The following AMMECR1 variants were observed in gnomAD, a reference collection of about 807,000 sequenced individuals.
The protein encoded by AMMECR1 is nuclear protein AMMECR1.
AMMECR1 carries 3 observed loss-of-function variants against 22.5 expected under a neutral mutation model. The ratio of observed to expected loss-of-function variants is 0.13; its 90% CI spans 0.06 to 0.35. The LOEUF is 0.35. Ranked by LOEUF, AMMECR1 falls within the 10% of genes least tolerant of loss-of-function variation. The probability of loss-of-function intolerance (pLI) is 1.00; values close to 1 mark genes in which losing one functional copy is unlikely to be tolerated. For synonymous variants in AMMECR1, 130 were observed against 116.7 expected, an observed-to-expected ratio of 1.11 and a Z score of -0.74; for missense variants, 235 against 278.7, an observed-to-expected ratio of 0.84 and a Z score of 1.12.
chrX:110,361,472 G>A (rs952121272), intron 2 of AMMECR1, among the ~76,000 whole-genome samples: 3 of 111,029 alleles, frequency 2.7e-5, no homozygotes, highest in African/African-American at 9.8e-5. Flanking sequence ...TTTATTATGT[G>A]AATGTCAGAT....
intron 1 of AMMECR1, among the ~76,000 whole-genome samples, chrX:110,306,097 C>A (rs982924419): frequency 1.8e-5 from 2 of 110,777 alleles, no homozygotes; most frequent in East Asian, 5.7e-4. Flanking sequence ...CTGGCTAACA[C>A]GGTGAAACCC....
intron 1 of AMMECR1, among the ~76,000 whole-genome samples, chrX:110,277,732 A>G (rs2067833368): frequency 8.9e-6 from 1 of 111,745 alleles, no homozygotes. Flanking sequence ...CTCTTAAAAA[A>G]TTTCATACTG....
intron 2 of AMMECR1, among the ~76,000 whole-genome samples, chrX:110,369,365 G>A (rs932649282): frequency 9.0e-6 from 1 of 111,358 alleles, no homozygotes; most frequent in Admixed American, 9.5e-5. Flanking sequence ...GAAAAAGAAA[G>A]ATTTTTGCCA....
chrX:110,255,063 G>A, intron 2 of AMMECR1, among the ~76,000 whole-genome samples: 1 of 112,339 alleles, frequency 8.9e-6, no homozygotes, highest in South Asian at 3.7e-4. Context: ...GTGTTTTATT[G>A]TCCCAACTCT....
At chrX:110,207,570 A>G (rs969822139) in intron 3 of AMMECR1, among the ~76,000 whole-genome samples, 1 of 110,810 alleles carries the variant, frequency 9.0e-6, no homozygotes, top group African/African-American at 3.3e-5. Context: ...ATGACATATT[A>G]TCTCGATCTG....
intron 2 of AMMECR1, among the ~76,000 whole-genome samples, chrX:110,247,770 T>C (rs1372732037): frequency 9.0e-6 from 1 of 111,423 alleles, no homozygotes; most frequent in Non-Finnish European, 1.9e-5. Context: ...TGGCTATTAA[T>C]TCATTAATTT....
At chrX:110,409,729 A>G (rs2068628545) in intron 2 of AMMECR1, among the ~76,000 whole-genome samples, 1 of 110,607 alleles carries the variant, frequency 9.0e-6, no homozygotes, top group Non-Finnish European at 1.9e-5. Flanking sequence ...GTAACTGCTA[A>G]ATATCTGACA....
chrX:110,208,898 G>C (rs947283887), intron 3 of AMMECR1, among the ~76,000 whole-genome samples: 2 of 111,448 alleles, frequency 1.8e-5, no homozygotes, highest in Non-Finnish European at 3.8e-5. Context: ...ACATCCTAAA[G>C]CTTCCCAAGA....
intron 2 of AMMECR1, among the ~76,000 whole-genome samples, chrX:110,218,269 C>T (rs2067483910): frequency 9.0e-6 from 1 of 111,189 alleles, no homozygotes; most frequent in African/African-American, 3.3e-5. Flanking sequence ...AGGCCAATCA[C>T]ATTTTCAGTT....
At chrX:110,350,823 T>A (rs1163620649) in intron 2 of AMMECR1, among the ~76,000 whole-genome samples, 2 of 108,981 alleles carry the variant, frequency 1.8e-5, no homozygotes, top group African/African-American at 6.7e-5. Flanking sequence ...ATAAAAAAAA[T>A]TAGCTGGGCA....
chrX:110,308,719 G>A (rs1276810506), intron 1 of AMMECR1, among the ~76,000 whole-genome samples: 1 of 110,835 alleles, frequency 9.0e-6, no homozygotes, highest in East Asian at 2.8e-4. Flanking sequence ...CTAGTGGCAA[G>A]TTTTTTATTG....
At chrX:110,336,672 C>T (rs1033287501) in intron 2 of AMMECR1, among the ~76,000 whole-genome samples, 5 of 110,066 alleles carry the variant, frequency 4.5e-5, no homozygotes, top group Non-Finnish European at 7.6e-5. Flanking sequence ...CTCAGATCAC[C>T]TGGGCAACAG....
intron 2 of AMMECR1, among the ~76,000 whole-genome samples, chrX:110,234,039 T>C (rs2067585591): frequency 8.9e-6 from 1 of 112,075 alleles, no homozygotes; most frequent in African/African-American, 3.2e-5. Context: ...AGTCAAATTG[T>C]CCCTGTTTGC....
intron 1 of AMMECR1, chrX:110,309,460 T>C (rs1158253230): frequency 3.6e-5 from 4 of 112,440 alleles, no homozygotes. Flanking sequence ...GTCAGCATCT[T>C]CTGGCAGGAT....
intron 1 of AMMECR1, among the ~76,000 whole-genome samples, chrX:110,437,636 A>G (rs2068848516): frequency 9.0e-6 from 1 of 111,496 alleles, no homozygotes; most frequent in Admixed American, 9.4e-5. Flanking sequence ...AGCTCTTGGT[A>G]AATGAAGTGA....
chrX:110,264,110 G>A (rs1602840874), intron 2 of AMMECR1, among the ~76,000 whole-genome samples: 1 of 111,126 alleles, frequency 9.0e-6, no homozygotes, highest in East Asian at 2.8e-4. Context: ...TAAGATGAAA[G>A]AGACAACAAC....
intron 2 of AMMECR1, among the ~76,000 whole-genome samples, chrX:110,368,657 C>T (rs960551636): frequency 8.9e-6 from 1 of 111,919 alleles, no homozygotes; most frequent in African/African-American, 3.3e-5. Flanking sequence ...TAGTACTTGT[C>T]ATTTTCTGAT....
intron 1 of AMMECR1, among the ~76,000 whole-genome samples, chrX:110,265,048 C>T (rs1478757859): frequency 1.8e-5 from 2 of 111,122 alleles, no homozygotes; most frequent in Admixed American, 9.6e-5. Flanking sequence ...TTGGAAAATC[C>T]GGGATAAAAA....
intron 3 of AMMECR1, among the ~76,000 whole-genome samples, chrX:110,214,990 G>A (rs762405727): frequency 9.0e-6 from 1 of 111,610 alleles, no homozygotes; most frequent in East Asian, 2.8e-4. Context: ...ATTTGGGGCT[G>A]TTTAAAAATA....
Sources: gnomAD v4.1 joint callset for allele counts (sites outside exome capture counted in the v4.1 genomes callset) on GRCh38, gnomAD v4.1.1 for gene constraint, MANE v1.5 for transcripts, NCBI Gene and HGNC (gene_info 2026-07-23, HGNC 2026-07-21) for gene names.